Variants in CDH13 observed in about 807,000 individuals in gnomAD.
The protein encoded by CDH13 is cadherin-13.
A neutral mutation model predicts 63.8 loss-of-function variants in CDH13; 24 were observed. That is an observed-to-expected ratio of 0.38 (90% CI 0.27 to 0.53). The LOEUF is 0.53. CDH13 is among the 20% of genes least tolerant of loss of function. CDH13 has a pLI of 0.85. For synonymous variants in CDH13, 503 were observed against 355.3 expected, an observed-to-expected ratio of 1.42 and a Z score of -4.67; for missense variants, 1,049 against 903.1, an observed-to-expected ratio of 1.16 and a Z score of -2.07.
chr16:83,658,286 GTCTCA>G (rs1913076852), intron 8 of CDH13, among the ~76,000 whole-genome samples: 1 of 127,524 alleles, frequency 7.8e-6, no homozygotes, highest in African/African-American at 2.9e-5. Context: ...CACCAGCAAG[GTCTCA>G]TGTCCTCACC....
chr16:83,647,085 C>T lies in CDH13; in HGVS notation c.1102-23705C>T, dbSNP rs554564726. On this transcript the variant is annotated intron_variant, in intron 8 of 13. Transcript: ENST00000567109. The stretch of plus-strand genomic sequence containing the variant: ...CAGCACTTTGGGAGGCCGAGGAGGG[C>T]GGATCACGAGGTCAGGAGATCGAGA... Among the ~76,000 whole-genome samples the T allele has an allele frequency of 3.3e-3, 500 of 151,968 alleles. 1 individual carries two copies. The highest frequency in any genetic ancestry group is 6.4e-3 in the South Asian group (31 of 4,808).
At chr16:82,847,310 C>T (rs1002327936) in intron 1 of CDH13, among the ~76,000 whole-genome samples, 3 of 152,188 alleles carry the variant, frequency 2.0e-5, no homozygotes, top group African/African-American at 7.2e-5. Flanking sequence ...ATGGGCTTCA[C>T]TGGACTAAAA....
At chr16:83,744,881 C>T (rs1338883895) in intron 10 of CDH13, among the ~76,000 whole-genome samples, 3 of 152,222 alleles carry the variant, frequency 2.0e-5, no homozygotes, top group African/African-American at 7.2e-5. Flanking sequence ...ATGACTCTAA[C>T]ACTCATGTGA....
chr16:83,083,311 T>G (rs922682028), intron 3 of CDH13, among the ~76,000 whole-genome samples: 1 of 152,188 alleles, frequency 6.6e-6, no homozygotes, highest in African/African-American at 2.4e-5. Flanking sequence ...TAGGACAATT[T>G]ACATAACTCT....
At chr16:82,976,564 T>A (rs17744947) in intron 2 of CDH13, among the ~76,000 whole-genome samples, 42,868 of 152,020 alleles carry the variant, frequency 0.28, 6,198 homozygotes, top group Middle Eastern at 0.38. Flanking sequence ...ATTAGATAAA[T>A]TATGCCTCAA....
At chr16:83,454,162 A>G (rs1001349045) in intron 6 of CDH13, among the ~76,000 whole-genome samples, 1 of 152,250 alleles carries the variant, frequency 6.6e-6, no homozygotes, top group African/African-American at 2.4e-5. Flanking sequence ...CAAAACAGGT[A>G]TATTAAGGGG....
At chr16:82,783,121 A>G (rs908881400) in intron 1 of CDH13, among the ~76,000 whole-genome samples, 2 of 152,236 alleles carry the variant, frequency 1.3e-5, no homozygotes, top group South Asian at 2.1e-4. Context: ...CCGTTATTGC[A>G]GGGTTGGCAC....
intron 4 of CDH13, among the ~76,000 whole-genome samples, chr16:83,134,550 A>AGAGAGAGG (rs2036195185): frequency 2.9e-5 from 1 of 34,618 alleles, no homozygotes; most frequent in Non-Finnish European, 6.3e-5. Context: ...GGGGGGAGAG[A>AGAGAGAGG]GAGAGAGAGA....
At chr16:83,787,060 CACAT>C (rs746472791) in intron 13 of CDH13, among the ~76,000 whole-genome samples, 3 of 152,202 alleles carry the variant, frequency 2.0e-5, no homozygotes, top group Non-Finnish European at 2.9e-5. Context: ...CACAAACTGA[CACAT>C]ACACTCACTC....
In CDH13 at chr16:83,200,219, C is replaced by T. The variant is rs1401348489; in HGVS notation, c.484-17126C>T. ...GGGTGTGAGCCTGGGCGCTGGGTGGCAGCCTTGTCCATCACCAGATGAGCT... is the reference window on the plus strand; with the variant it reads ...GGGTGTGAGCCTGGGCGCTGGGTGGTAGCCTTGTCCATCACCAGATGAGCT... On this transcript the variant is annotated intron_variant, in intron 4 of 13. Transcript: ENST00000567109. Among the ~76,000 whole-genome samples, 5 of 152,188 alleles carry T rather than the reference C, an allele frequency of 3.3e-5. No homozygotes were observed. The East Asian group carries it at 9.6e-4, about 29-fold the overall frequency.
At chr16:83,709,513 A>G (rs1017712458) in intron 10 of CDH13, among the ~76,000 whole-genome samples, 1 of 152,240 alleles carries the variant, frequency 6.6e-6, no homozygotes, top group Non-Finnish European at 1.5e-5. Context: ...CAGGAATTGC[A>G]TCATAATCAT....
intron 11 of CDH13, among the ~76,000 whole-genome samples, chr16:83,760,097 T>C (rs1008830462): frequency 6.6e-6 from 1 of 152,050 alleles, no homozygotes; most frequent in Non-Finnish European, 1.5e-5. Flanking sequence ...TAAAGATATA[T>C]ACATTAAATT....
intron 1 of CDH13, among the ~76,000 whole-genome samples, chr16:82,804,259 A>G (rs1353843151): frequency 7.3e-6 from 1 of 136,318 alleles, no homozygotes; most frequent in Non-Finnish European, 1.5e-5. Flanking sequence ...TTTAGATCTC[A>G]GGTTAGGGGA....
chr16:83,703,916 T>C (rs1906623417), intron 10 of CDH13, among the ~76,000 whole-genome samples: 1 of 152,192 alleles, frequency 6.6e-6, no homozygotes. Context: ...TCCATTCAAC[T>C]GCACAAAATA....
chr16:83,015,446 C>T (rs533840960), intron 2 of CDH13, among the ~76,000 whole-genome samples: 1 of 151,378 alleles, frequency 6.6e-6, no homozygotes, highest in African/African-American at 2.4e-5. Flanking sequence ...TCTTTTCTGC[C>T]TGATATCTTC....
chr16:83,744,702 G>C (rs918512797), intron 10 of CDH13, among the ~76,000 whole-genome samples: 1 of 152,184 alleles, frequency 6.6e-6, no homozygotes, highest in East Asian at 1.9e-4. Flanking sequence ...GCTCCCCCGA[G>C]GGCGCCCCGC....
chr16:82,942,717 C>T (rs1597260412), intron 2 of CDH13, among the ~76,000 whole-genome samples: 2 of 152,240 alleles, frequency 1.3e-5, no homozygotes, highest in East Asian at 3.9e-4. Context: ...CAAATAACCT[C>T]ATTGTAAAGA....
At chr16:82,787,648 A>T (rs1248994599) in intron 1 of CDH13, among the ~76,000 whole-genome samples, 2 of 152,208 alleles carry the variant, frequency 1.3e-5, no homozygotes, top group Non-Finnish European at 2.9e-5. Flanking sequence ...GACAGGTGGG[A>T]CCTAGGTTGC....
intron 7 of CDH13, among the ~76,000 whole-genome samples, chr16:83,549,012 T>A (rs1025209452): frequency 1.3e-5 from 2 of 152,148 alleles, no homozygotes; most frequent in African/African-American, 4.8e-5. Context: ...TCTGCATAAT[T>A]TTCTTCCCTG....
Sources: gnomAD v4.1 joint callset for allele counts (sites outside exome capture counted in the v4.1 genomes callset) on GRCh38, gnomAD v4.1.1 for gene constraint, MANE v1.5 for transcripts, NCBI Gene and HGNC (gene_info 2026-07-23, HGNC 2026-07-21) for gene names.